Variants in DACH1 observed in about 807,000 individuals in gnomAD.
DACH1 encodes dachshund family transcription factor 1, also known as dachshund homolog 1.
In DACH1, 12 loss-of-function variants were observed where a neutral mutation model predicts 54.2. The observed-to-expected ratio is 0.22, with a 90% confidence interval of 0.14 to 0.36. The LOEUF is 0.36. DACH1 is among the 10% of genes least tolerant of loss of function. The probability of loss-of-function intolerance (pLI) is 1.00; values close to 1 mark genes in which losing one functional copy is unlikely to be tolerated. For missense variants in DACH1, 805 were observed against 929.8 expected, an observed-to-expected ratio of 0.87 and a Z score of 1.75; for synonymous variants, 386 against 366.2, an observed-to-expected ratio of 1.05 and a Z score of -0.62.
chr13:71,702,190 G>A lies in DACH1; in HGVS notation c.849-20280C>T, dbSNP rs766581656. On this transcript the variant is annotated intron_variant, in intron 1 of 10. Coordinates refer to ENST00000613252, the MANE Select transcript of DACH1 (RefSeq NM_080759.6). Reference sequence around the variant, plus strand: ...CATCTAAAGACTTGAAATATATGAAGTTCTCAACTTTAAAATGATCCTAAA... The same window carrying A: ...CATCTAAAGACTTGAAATATATGAAATTCTCAACTTTAAAATGATCCTAAA... Among the ~76,000 whole-genome samples the A allele has an allele frequency of 5.7e-4, 87 of 152,166 alleles. No homozygotes were observed. The Middle Eastern group carries it at 0.01, about 18-fold the overall frequency.
At chr13:71,721,892 A>G (rs1883245726) in intron 1 of DACH1, among the ~76,000 whole-genome samples, 1 of 152,170 alleles carries the variant, frequency 6.6e-6, no homozygotes, top group African/African-American at 2.4e-5. Flanking sequence ...ACTTAAAGTT[A>G]TGAATATATA....
intron 6 of DACH1, among the ~76,000 whole-genome samples, chr13:71,505,361 G>A (rs944873277): frequency 6.6e-5 from 10 of 152,152 alleles, no homozygotes; most frequent in Middle Eastern, 6.3e-3. Flanking sequence ...GATTACAGGC[G>A]TAAGCCACTG....
chr13:71,455,852 G>T (rs985789214), intron 10 of DACH1, among the ~76,000 whole-genome samples: 1 of 152,036 alleles, frequency 6.6e-6, no homozygotes, highest in Non-Finnish European at 1.5e-5. Flanking sequence ...CATTTTTAAA[G>T]CTATTGTTTA....
At chr13:71,608,319 C>T (rs539718834) in intron 3 of DACH1, among the ~76,000 whole-genome samples, 1 of 152,018 alleles carries the variant, frequency 6.6e-6, no homozygotes, top group Non-Finnish European at 1.5e-5. Context: ...TCTATGAAAA[C>T]TATTAACAAG....
chr13:71,451,208 T>C (rs1264539914), intron 10 of DACH1, among the ~76,000 whole-genome samples: 1 of 152,134 alleles, frequency 6.6e-6, no homozygotes, highest in Non-Finnish European at 1.5e-5. Context: ...ATCCCATATA[T>C]TGCATTGCTA....
chr13:71,815,617 T>C (rs957128753), intron 1 of DACH1, among the ~76,000 whole-genome samples: 2 of 152,212 alleles, frequency 1.3e-5, no homozygotes, highest in Non-Finnish European at 2.9e-5. Flanking sequence ...TTGAGTGATT[T>C]TTCAAGTCCT....
At chr13:71,675,864 T>C (rs1198717125) in intron 2 of DACH1, among the ~76,000 whole-genome samples, 1 of 152,210 alleles carries the variant, frequency 6.6e-6, no homozygotes, top group African/African-American at 2.4e-5. Flanking sequence ...TTGTAGCATT[T>C]TTATCATACA....
In DACH1 at chr13:71,677,513, ATTTGTT is replaced by A. The variant is rs909819935; in HGVS notation, c.964+4276_964+4281del. On this transcript the variant is annotated intron_variant, in intron 2 of 10. Coordinates refer to ENST00000613252, the MANE Select transcript of DACH1 (RefSeq NM_080759.6). ...CTCAAAGTTTGTTGTTTTGTTTTGT[ATTTGTT>A]TTTGTTTTTGTTTCAAGTATAGATA... Among the ~76,000 whole-genome samples the A allele has an allele frequency of 4.1e-3, 623 of 152,226 alleles. 8 individuals carry two copies. Among genetic ancestry groups the A allele is most frequent in the African/African-American group, 0.014 (570 of 41,540 alleles).
chr13:71,659,115 A>T (rs1031374109), intron 2 of DACH1, among the ~76,000 whole-genome samples: 4 of 152,174 alleles, frequency 2.6e-5, no homozygotes, highest in South Asian at 2.1e-4. Flanking sequence ...AACAAAGTAC[A>T]CATTTAGAAC....
At chr13:71,517,963 T>C (rs752309349) in intron 6 of DACH1, among the ~76,000 whole-genome samples, 3 of 151,910 alleles carry the variant, frequency 2.0e-5, no homozygotes, top group Non-Finnish European at 4.4e-5. Flanking sequence ...TGAGCCTAAC[T>C]GAAGAAGCTA....
Position 71,866,243 on chromosome 13 carries a change from G to C in DACH1, c.527C>G (p.Pro176Arg), listed in dbSNP as rs781663055. Residue 176 changes from proline (P) to arginine (R), a missense_variant, in exon 1 of 11, where the codon CCG becomes CGG. Transcript: ENST00000613252. Reference protein sequence around the residue: ...PLPGKPVYSTPSPVENTPQNN... With the variant: ...PLPGKPVYSTRSPVENTPQNN... ...CTGAGGGGTGTTTTCCACTGGGGACGGGGTTGAGTACACGGGTTTCCCGGG... is the reference window on the plus strand; with the variant it reads ...CTGAGGGGTGTTTTCCACTGGGGACCGGGTTGAGTACACGGGTTTCCCGGG... 2 of 1,611,180 alleles carry C rather than the reference G, an allele frequency of 1.2e-6. No homozygotes were observed. The highest frequency in any genetic ancestry group is 8.5e-7 in the Non-Finnish European group (1 of 1,178,634).
intron 2 of DACH1, among the ~76,000 whole-genome samples, chr13:71,646,692 G>A (rs560266424): frequency 6.6e-6 from 1 of 152,156 alleles, no homozygotes; most frequent in South Asian, 2.1e-4. Flanking sequence ...ATACCATTTA[G>A]TGGAAAATAG....
At chr13:71,856,426 G>A (rs907181807) in intron 1 of DACH1, among the ~76,000 whole-genome samples, 1 of 151,902 alleles carries the variant, frequency 6.6e-6, no homozygotes, top group African/African-American at 2.4e-5. Context: ...ACTTATCAGA[G>A]CATTCTTAGA....
chr13:71,623,703 G>T (rs1455703052), intron 3 of DACH1, among the ~76,000 whole-genome samples: 3 of 151,478 alleles, frequency 2.0e-5, no homozygotes, highest in Non-Finnish European at 4.4e-5. Context: ...AGAGAAATTA[G>T]GCAAAAATTC....
intron 2 of DACH1, among the ~76,000 whole-genome samples, chr13:71,663,365 C>T (rs1232520590): frequency 6.6e-6 from 1 of 151,650 alleles, no homozygotes; most frequent in Non-Finnish European, 1.5e-5. Context: ...TTAAATAAAA[C>T]ATAAGAGAAA....
chr13:71,783,981 C>CA (rs1184800767), intron 1 of DACH1, among the ~76,000 whole-genome samples: 36 of 104,348 alleles, frequency 3.4e-4, no homozygotes, highest in South Asian at 1.6e-3. Context: ...AAAAAAAAAA[C>CA]AAAAAAAAAA....
Position 71,706,213 on chromosome 13 carries a change from A to G in DACH1, c.849-24303T>C, listed in dbSNP as rs536154950. 2.6e-4 allele frequency among the ~76,000 whole-genome samples: 40 copies of G among 151,944 alleles called. 1 individual carries two copies. In the South Asian group the frequency reaches 8.1e-3, roughly 31 times the overall value. On this transcript the variant is annotated intron_variant, in intron 1 of 10. Transcript: ENST00000613252. Reference sequence around the variant, plus strand: ...ATGTACAACTTCCTTGATTTTCTATAAAGAATCAGGACAACAAAAGGGATA... The same window carrying G: ...ATGTACAACTTCCTTGATTTTCTATGAAGAATCAGGACAACAAAAGGGATA...
At chr13:71,564,415 A>G (rs1884780112) in intron 4 of DACH1, among the ~76,000 whole-genome samples, 1 of 151,912 alleles carries the variant, frequency 6.6e-6, no homozygotes. Context: ...GCAATGTTCC[A>G]TCTTTATAAA....
chr13:71,779,210 T>TATATACGTATATATACAC, intron 1 of DACH1, among the ~76,000 whole-genome samples: 1 of 104,554 alleles, frequency 9.6e-6, no homozygotes, highest in African/African-American at 4.9e-5. Context: ...TATATGTGTA[T>TATATACGTATATATACAC]ATATATACGT....
Sources: allele counts gnomAD v4.1 joint callset (sites outside exome capture counted in the v4.1 genomes callset), GRCh38; gene constraint gnomAD v4.1.1; transcripts MANE v1.5; gene names NCBI Gene and HGNC (gene_info 2026-07-23, HGNC 2026-07-21).